Variants in CLDN1 observed in about 807,000 individuals in gnomAD.
CLDN1 encodes the protein claudin 1.
A neutral mutation model predicts 22.6 loss-of-function variants in CLDN1; 12 were observed. That is an observed-to-expected ratio of 0.53 (90% CI 0.34 to 0.86). The LOEUF (loss-of-function observed/expected upper bound fraction) is 0.86. Among genes scored for constraint, CLDN1 ranks in the 40% least tolerant of loss-of-function variants. The probability of loss-of-function intolerance (pLI) is 0.02; values close to 1 mark genes in which losing one functional copy is unlikely to be tolerated. For synonymous variants in CLDN1, 99 were observed against 103.8 expected (o/e 0.95, Z 0.28); for missense variants, 250 against 269.5 (o/e 0.93, Z 0.51).
chr3:190,314,539 C>A (rs1170711857), intron 1 of CLDN1, among the ~76,000 whole-genome samples: 1 of 150,804 alleles, frequency 6.6e-6, no homozygotes, highest in Non-Finnish European at 1.5e-5. Context: ...GGACTGCAGG[C>A]ACGAACCACC....
Position 190,307,981 on chromosome 3 carries a change from T to G in CLDN1, c.*296A>C. The G allele has an allele frequency of 3.1e-6, 1 of 323,020 alleles. No homozygotes were observed. Among genetic ancestry groups the G allele is most frequent in the Non-Finnish European group, 6.0e-6 (1 of 167,650 alleles). 20.0% of individuals were successfully genotyped at this position (323,020 alleles called of 1,614,324 possible). On this transcript the variant is annotated 3_prime_UTR_variant, in exon 4 of 4. Coordinates refer to ENST00000295522, the MANE Select transcript of CLDN1 (RefSeq NM_021101.5). ...TAATAGAAAAACATGTATATATACA[T>G]ATCTATATATATTTAAGGAGCACCC...
rs189697648 is a variant in CLDN1, at chr3:190,313,491, C to G, written c.224-455G>C. 4.3e-3 allele frequency among the ~76,000 whole-genome samples: 649 copies of G among 151,980 alleles called. 3 individuals are homozygous for G. The highest frequency in any genetic ancestry group is 0.015 in the African/African-American group (607 of 41,446). On this transcript the variant is annotated intron_variant, in intron 1 of 3. Coordinates refer to ENST00000295522, the MANE Select transcript of CLDN1 (RefSeq NM_021101.5). ...TTGATATTAGTCACCAGCTTTACAC[C>G]CCAATCAATAAGCTTCAGAAAAACT... is the stretch of plus-strand genomic sequence containing the variant.
At chr3:190,319,898 G>A (rs1020179860) in intron 1 of CLDN1, among the ~76,000 whole-genome samples, 5 of 152,170 alleles carry the variant, frequency 3.3e-5, no homozygotes, top group Admixed American at 6.5e-5. Flanking sequence ...AAAGCATCCC[G>A]TGAGTCACGG....
intron 1 of CLDN1, among the ~76,000 whole-genome samples, chr3:190,318,987 TGA>T (rs1716843257): frequency 6.6e-6 from 1 of 152,106 alleles, no homozygotes; most frequent in Non-Finnish European, 1.5e-5. Context: ...TCGGTGAGAT[TGA>T]GAGAGAGTCT....
In CLDN1 at chr3:190,312,982, A is replaced by G. The variant is rs1553800679; in HGVS notation, c.278T>C (p.Ile93Thr). Residue 93 changes from isoleucine to threonine, a missense_variant, in exon 2 of 4, where the codon ATA (isoleucine) becomes ACA (threonine). Transcript: ENST00000295522. ...LMVVGILLGV[I>T]AIFVATVGMK... ...GCCAACGGTGGCCACAAAGATTGCT[A>G]TCACTCCCAGGAGGATGCCAACCAC... The G allele has an allele frequency of 1.2e-6, 2 of 1,614,202 alleles. No individual in the cohort carries two copies. Among genetic ancestry groups the G allele is most frequent in the South Asian group, 1.1e-5 (1 of 91,084 alleles).
chr3:190,322,446 C>T lies in CLDN1; in HGVS notation c.-240G>A, dbSNP rs558964236. On this transcript the variant is annotated 5_prime_UTR_variant, in exon 1 of 4. Transcript: ENST00000295522. ...TTGCTCCCAGGCTCGGGAACTGAGA[C>T]GCAGAACCGCTGGGCGCCGCGATTT... The T allele has an allele frequency of 6.5e-5, 37 of 570,614 alleles. No homozygotes were observed. In the East Asian group the frequency reaches 7.3e-4, roughly 11 times the overall value. 35.3% of individuals were successfully genotyped at this position (570,614 alleles called of 1,614,324 possible).
At position 190,310,152 on chromosome 3, in the gene CLDN1, C is replaced by T. The variant is rs367552459; in HGVS notation, c.473+17G>A. 2.3e-5 allele frequency: 37 copies of T among 1,601,338 alleles called. No individual in the cohort carries two copies. Among genetic ancestry groups the T allele is most frequent in the Middle Eastern group, 3.3e-4 (2 of 6,056 alleles). ...TTTTCTCAGAAAACAAACTATTTTA[C>T]GCCTGAATAGCGTTACCTGGCATTG... On this transcript the variant is annotated intron_variant, in intron 3 of 3. Coordinates refer to ENST00000295522, the MANE Select transcript of CLDN1 (RefSeq NM_021101.5).
chr3:190,316,543 T>C (rs1349021632), intron 1 of CLDN1, among the ~76,000 whole-genome samples: 2 of 152,234 alleles, frequency 1.3e-5, no homozygotes, highest in Non-Finnish European at 2.9e-5. Context: ...AAGTGTTTTA[T>C]GTGCAGATCA....
At position 190,313,022 on chromosome 3, in the gene CLDN1, T is replaced by C. The variant is rs765483831; in HGVS notation, c.238A>G (p.Thr80Ala). The C allele has an allele frequency of 2.0e-5, 32 of 1,614,054 alleles. No homozygotes were observed. The highest frequency in any genetic ancestry group is 8.3e-5 in the Admixed American group (5 of 60,006). The change falls in exon 2 of 4, where the codon ACC (threonine) becomes GCC (alanine). Residue 80 changes from threonine to alanine, a missense_variant. Transcript: ENST00000295522. ...ATGCCAACCACCATCAAGGCACGGG[T>C]TGCTTGCAATGTGCCTGGCAGAAAA... Reference protein sequence around the residue: ...LLNLSSTLQATRALMVVGILL... With the variant: ...LLNLSSTLQAARALMVVGILL...
chr3:190,318,389 A>G (rs1346793580), intron 1 of CLDN1, among the ~76,000 whole-genome samples: 2 of 152,248 alleles, frequency 1.3e-5, no homozygotes, highest in Non-Finnish European at 2.9e-5. Context: ...CACTGAAGTA[A>G]TAACAAAGAA....
Position 190,308,188 on chromosome 3 carries a change from C to G in CLDN1, c.*89G>C, listed in dbSNP as rs1420604531. ...AATACCATACTTCAGATTACAATACCCAAAATTCTAAGGTCCTAATGTTAA... is the reference window on the plus strand; with the variant it reads ...AATACCATACTTCAGATTACAATACGCAAAATTCTAAGGTCCTAATGTTAA... On this transcript the variant is annotated 3_prime_UTR_variant, in exon 4 of 4. Transcript: ENST00000295522. The G allele has an allele frequency of 6.7e-7, 1 of 1,491,888 alleles. No homozygotes were observed. The highest frequency in any genetic ancestry group is 9.3e-7 in the Non-Finnish European group (1 of 1,072,252). The allele number at this position is 1,491,888 out of a possible 1,614,324, so 92.4% of individuals were successfully genotyped here. A position where few individuals can be genotyped will look rare whatever the true frequency, so the allele number is the denominator to read the frequency against.
intron 3 of CLDN1, among the ~76,000 whole-genome samples, chr3:190,309,490 C>T (rs1348333336): frequency 6.6e-6 from 1 of 152,158 alleles, no homozygotes; most frequent in African/African-American, 2.4e-5. Flanking sequence ...ATTTTAACAT[C>T]CTGACTGAAT....
At chr3:190,312,836 G>T (rs143524732) in intron 2 of CLDN1, 36 bp downstream of exon 2, 2 of 1,609,004 alleles carry the variant, frequency 1.2e-6, no homozygotes, top group South Asian at 1.1e-5. Flanking sequence ...CCAGGAACAG[G>T]TTAGTAAGGT....
chr3:190,310,114 T>C, intron 3 of CLDN1, 55 bp downstream of exon 3: 5 of 1,445,766 alleles, frequency 3.5e-6, no homozygotes, highest in Non-Finnish European at 4.9e-6. Flanking sequence ...CTTTGTAGAA[T>C]ATAAAAAGGG....
Position 190,305,994 on chromosome 3 carries a change from C to T in CLDN1, c.*2283G>A, listed in dbSNP as rs1473758331. The stretch of plus-strand genomic sequence containing the variant: ...ATTTTAACTTCCAAAAGCATATATT[C>T]TCAGGTTTGGAAGGCACACTAAAAT... On this transcript the variant is annotated 3_prime_UTR_variant, in exon 4 of 4. Transcript: ENST00000295522. 1 of 152,156 alleles carries T rather than the reference C, an allele frequency of 6.6e-6. No homozygotes were observed. Among genetic ancestry groups the T allele is most frequent in the Non-Finnish European group, 1.5e-5 (1 of 68,028 alleles). The allele number at this position is 152,156 out of a possible 1,614,324, so 9.4% of individuals were successfully genotyped here. A position where few individuals can be genotyped will look rare whatever the true frequency, so the allele number is the denominator to read the frequency against.
rs1427031717 is a variant in CLDN1, at chr3:190,310,181, G to GGGGTCATA, written c.453_460dup (p.Pro154LeufsTer2). ...TGAATAGCGTTACCTGGCATTGACTGGGGTCATAGGGTCATAGAATTCTTG... is the reference window on the plus strand; with the variant it reads ...TGAATAGCGTTACCTGGCATTGACTGGGGTCATAGGGTCATAGGGTCATAGAATTCTTG... On this transcript the variant is annotated stop_gained and frameshift_variant, in exon 3 of 4. Coordinates refer to ENST00000295522, the MANE Select transcript of CLDN1 (RefSeq NM_021101.5). LOFTEE classifies it high-confidence loss of function. The GGGGTCATA allele has an allele frequency of 2.5e-6, 4 of 1,613,492 alleles. No individual in the cohort carries two copies. The highest frequency in any genetic ancestry group is 3.4e-6 in the Non-Finnish European group (4 of 1,179,504).
chr3:190,314,356 G>A (rs1173579636), intron 1 of CLDN1, among the ~76,000 whole-genome samples: 1 of 152,024 alleles, frequency 6.6e-6, no homozygotes, highest in Non-Finnish European at 1.5e-5. Context: ...TTCTGTCTTT[G>A]CTATAACCAG....
chr3:190,307,715 G>C lies in CLDN1; in HGVS notation c.*562C>G, dbSNP rs923412514. ...TAAAATAAGTATATGAAAAGGGCAC[G>C]CATGAAGAATTGAAAGAATTCATCC... is the stretch of plus-strand genomic sequence containing the variant. On this transcript the variant is annotated 3_prime_UTR_variant, in exon 4 of 4. Coordinates refer to ENST00000295522, the MANE Select transcript of CLDN1 (RefSeq NM_021101.5). The C allele has an allele frequency of 6.5e-6, 1 of 152,686 alleles. No homozygotes were observed. The highest frequency in any genetic ancestry group is 6.5e-5 in the Admixed American group (1 of 15,306). 9.5% of individuals were successfully genotyped at this position (152,686 alleles called of 1,614,324 possible).
intron 1 of CLDN1, 69 bp downstream of exon 1, chr3:190,321,915 G>T: frequency 8.8e-7 from 1 of 1,131,554 alleles, no homozygotes; most frequent in South Asian, 1.3e-5. Context: ...ACAACAGAAT[G>T]AGCCCATAAG....
Sources: allele counts gnomAD v4.1 joint callset (sites outside exome capture counted in the v4.1 genomes callset), GRCh38; gene constraint gnomAD v4.1.1; transcripts MANE v1.5; gene names NCBI Gene and HGNC (gene_info 2026-07-23, HGNC 2026-07-21).